LRRC4C: variants seen among roughly 807,000 people sequenced by gnomAD.
LRRC4C encodes leucine rich repeat containing 4C, also known as leucine-rich repeat-containing protein 4C.
Under a neutral mutation model 33.6 loss-of-function variants are expected in LRRC4C, and 5 were observed. That is an observed-to-expected ratio of 0.15 (90% CI 0.08 to 0.31). The LOEUF is 0.31. Ranked by LOEUF, LRRC4C falls within the 10% of genes least tolerant of loss-of-function variation. LRRC4C has a pLI of 1.00. For missense variants in LRRC4C, 560 were observed against 796.7 expected, an observed-to-expected ratio of 0.70 and a Z score of 3.58; for synonymous variants, 329 against 302.0, an observed-to-expected ratio of 1.09 and a Z score of -0.93.
rs182960071 is a variant in LRRC4C, at chr11:41,213,959, G to C, written c.-496+245472C>G. ...GTTCATTCTGCTATAAATTTGATTT[G>C]ATCTCATTATAATATCCTTTAAAGT... is the stretch of plus-strand genomic sequence containing the variant. On this transcript the variant is annotated intron_variant, in intron 1 of 6. Coordinates refer to ENST00000528697, the MANE Select transcript of LRRC4C (RefSeq NM_001258419.2). Among the ~76,000 whole-genome samples the C allele has an allele frequency of 3.1e-3, 478 of 152,144 alleles. 4 individuals carry two copies. Among genetic ancestry groups the C allele is most frequent in the African/African-American group, 0.011 (466 of 41,510 alleles).
At chr11:40,510,275 T>A (rs915300975) in intron 3 of LRRC4C, among the ~76,000 whole-genome samples, 3 of 150,910 alleles carry the variant, frequency 2.0e-5, no homozygotes, top group African/African-American at 7.3e-5. Flanking sequence ...ACTACTGACC[T>A]AATATCCCTA....
At chr11:41,265,191 G>T (rs1256662479) in intron 1 of LRRC4C, among the ~76,000 whole-genome samples, 14 of 152,142 alleles carry the variant, frequency 9.2e-5, no homozygotes, top group Admixed American at 9.2e-4. Flanking sequence ...ATAACTTAGA[G>T]TATGTGATAT....
At chr11:40,960,655 G>A (rs917050601) in intron 1 of LRRC4C, among the ~76,000 whole-genome samples, 22 of 151,718 alleles carry the variant, frequency 1.5e-4, no homozygotes, top group Non-Finnish European at 3.0e-4. Context: ...AAACATGTTG[G>A]TCATCCAAGC....
intron 3 of LRRC4C, among the ~76,000 whole-genome samples, chr11:40,331,151 G>GA (rs1294515215): frequency 2.0e-5 from 3 of 152,166 alleles, no homozygotes; most frequent in Non-Finnish European, 4.4e-5. Flanking sequence ...AGAACAGGGA[G>GA]AAAAGGGAAC....
intron 2 of LRRC4C, among the ~76,000 whole-genome samples, chr11:40,801,512 G>C (rs1366848154): frequency 1.3e-5 from 2 of 152,114 alleles, no homozygotes; most frequent in African/African-American, 4.8e-5. Flanking sequence ...TGTGGGCATG[G>C]ACTGCACCTA....
At chr11:40,214,691 A>G (rs543825227) in intron 5 of LRRC4C, among the ~76,000 whole-genome samples, 1 of 152,280 alleles carries the variant, frequency 6.6e-6, no homozygotes, top group African/African-American at 2.4e-5. Flanking sequence ...AGCCCTCACC[A>G]AAAGCCCCTG....
At chr11:41,135,199 T>C (rs989116760) in intron 1 of LRRC4C, among the ~76,000 whole-genome samples, 1 of 152,150 alleles carries the variant, frequency 6.6e-6, no homozygotes, top group South Asian at 2.1e-4. Context: ...TCAAATCTGC[T>C]AAAAATCTCT....
intron 5 of LRRC4C, among the ~76,000 whole-genome samples, chr11:40,173,665 G>A (rs1369649027): frequency 1.3e-5 from 2 of 152,126 alleles, no homozygotes; most frequent in South Asian, 2.1e-4. Context: ...ATCTTACTTA[G>A]TGCCTAGATG....
chr11:40,419,365 T>C (rs539761434), intron 3 of LRRC4C, among the ~76,000 whole-genome samples: 18 of 152,160 alleles, frequency 1.2e-4, no homozygotes, highest in Non-Finnish European at 2.5e-4. Context: ...CATAATCAAA[T>C]TGTTGAAATC....
intron 4 of LRRC4C, among the ~76,000 whole-genome samples, chr11:40,283,465 G>GA (rs575391380): frequency 6.6e-6 from 1 of 151,996 alleles, no homozygotes; most frequent in African/African-American, 2.4e-5. Context: ...AAGTAGTTAT[G>GA]AAAAATGGGT....
chr11:40,117,765 C>T (rs796993904), intron 6 of LRRC4C, among the ~76,000 whole-genome samples: 15 of 151,884 alleles, frequency 9.9e-5, no homozygotes, highest in African/African-American at 3.4e-4. Context: ...GCACTAATTT[C>T]GTACCCATTA....
At chr11:41,170,295 A>C (rs1273346191) in intron 1 of LRRC4C, among the ~76,000 whole-genome samples, 1 of 152,200 alleles carries the variant, frequency 6.6e-6, no homozygotes, top group East Asian at 1.9e-4. Flanking sequence ...CCATATTGCC[A>C]AGTCAATCCT....
At chr11:40,902,414 C>T (rs1198232837) in intron 2 of LRRC4C, among the ~76,000 whole-genome samples, 1 of 152,072 alleles carries the variant, frequency 6.6e-6, no homozygotes, top group African/African-American at 2.4e-5. Flanking sequence ...TTTCCTGAGA[C>T]ACAACAATAT....
chr11:40,396,901 A>G (rs1949563685), intron 3 of LRRC4C, among the ~76,000 whole-genome samples: 1 of 152,080 alleles, frequency 6.6e-6, no homozygotes. Context: ...TTGAGTTATA[A>G]TGCATCTTAA....
chr11:40,938,070 A>G (rs923569325), intron 1 of LRRC4C, among the ~76,000 whole-genome samples: 6 of 152,194 alleles, frequency 3.9e-5, no homozygotes, highest in African/African-American at 1.2e-4. Flanking sequence ...ACAAATATCA[A>G]TCTAATTGGA....
chr11:41,113,046 ATAT>A (rs1311267574), intron 1 of LRRC4C, among the ~76,000 whole-genome samples: 1 of 152,134 alleles, frequency 6.6e-6, no homozygotes, highest in Non-Finnish European at 1.5e-5. Context: ...AGGTTGAGAC[ATAT>A]TATGATATTT....
At chr11:40,310,371 T>C (rs1196085577) in intron 4 of LRRC4C, among the ~76,000 whole-genome samples, 1 of 152,088 alleles carries the variant, frequency 6.6e-6, no homozygotes, top group Non-Finnish European at 1.5e-5. Flanking sequence ...TAGTTGAAAA[T>C]GGGCCCTAAC....
At chr11:41,145,080 C>T (rs1439360942) in intron 1 of LRRC4C, among the ~76,000 whole-genome samples, 1 of 152,170 alleles carries the variant, frequency 6.6e-6, no homozygotes, top group Admixed American at 6.6e-5. Context: ...AATAAGCATA[C>T]GTAATACATT....
At chr11:41,381,491 G>T (rs1412010139) in intron 1 of LRRC4C, among the ~76,000 whole-genome samples, 2 of 151,940 alleles carry the variant, frequency 1.3e-5, no homozygotes, top group Admixed American at 6.6e-5. Context: ...GCTGGGCATG[G>T]TAGCACACAC....
Sources: gnomAD v4.1 joint callset for allele counts (sites outside exome capture counted in the v4.1 genomes callset) on GRCh38, gnomAD v4.1.1 for gene constraint, MANE v1.5 for transcripts, NCBI Gene and HGNC (gene_info 2026-07-23, HGNC 2026-07-21) for gene names.